Variants in RSRC1 observed in about 807,000 individuals in gnomAD.
RSRC1 encodes the protein serine/Arginine-related protein 53.
Under a neutral mutation model 49.1 loss-of-function variants are expected in RSRC1, and 39 were observed. That is an observed-to-expected ratio of 0.79 (90% CI 0.61 to 1.04). The LOEUF is 1.04. RSRC1 is among the 50% of genes least tolerant of loss of function. RSRC1 has a pLI of 0.00. For synonymous variants in RSRC1, 143 were observed against 130.8 expected (o/e 1.09, Z -0.63); for missense variants, 388 against 402.4 (o/e 0.96, Z 0.31).
Position 158,447,615 on chromosome 3 carries a change from C to G in RSRC1, c.584-13320C>G, listed in dbSNP as rs566464088. ...ATGTAATCTTAAGCAAATTATTAAG[C>G]CTCTCTGAAACTTTTTGATGATTAT... On this transcript the variant is annotated intron_variant, in intron 6 of 9. Transcript: ENST00000611884. Among the ~76,000 whole-genome samples, 12 of 151,904 alleles carry G rather than the reference C, an allele frequency of 7.9e-5. No homozygotes were observed. The South Asian group carries it at 2.5e-3, about 31-fold the overall frequency.
intron 4 of RSRC1, among the ~76,000 whole-genome samples, chr3:158,295,300 TTAG>T (rs1293154875): frequency 6.6e-6 from 1 of 152,096 alleles, no homozygotes; most frequent in Non-Finnish European, 1.5e-5. Context: ...TGAAACCAGG[TTAG>T]TAGTTTGTTG....
chr3:158,309,357 A>G (rs2108140048), intron 5 of RSRC1, among the ~76,000 whole-genome samples: 1 of 151,948 alleles, frequency 6.6e-6, no homozygotes, highest in South Asian at 2.1e-4. Flanking sequence ...TAAGTTTTAA[A>G]CATATTTTCA....
chr3:158,226,163 G>GA (rs960718283), intron 4 of RSRC1, among the ~76,000 whole-genome samples: 3 of 151,796 alleles, frequency 2.0e-5, no homozygotes, highest in Non-Finnish European at 2.9e-5. Flanking sequence ...AAGGACAGGT[G>GA]AAAAAAACTC....
intron 7 of RSRC1, among the ~76,000 whole-genome samples, chr3:158,484,607 G>A (rs1560061701): frequency 6.6e-6 from 1 of 152,028 alleles, no homozygotes; most frequent in Non-Finnish European, 1.5e-5. Context: ...ATATTTGCAT[G>A]CAGTTCTCTG....
chr3:158,401,417 A>T (rs571934899), intron 6 of RSRC1, among the ~76,000 whole-genome samples: 2 of 152,118 alleles, frequency 1.3e-5, no homozygotes, highest in Non-Finnish European at 2.9e-5. Context: ...TTCTTTGTTT[A>T]TTTATTTATT....
chr3:158,379,831 C>CACACACACACACAA, intron 6 of RSRC1, among the ~76,000 whole-genome samples: 2 of 151,650 alleles, frequency 1.3e-5, no homozygotes, highest in South Asian at 4.2e-4. Context: ...CACACACACA[C>CACACACACACACAA]ACACACCCTC....
rs566907096 is a variant in RSRC1 at position 158,327,392 on chromosome 3, C to T, written c.532-27465C>T. Among the ~76,000 whole-genome samples, 14 of 152,366 alleles carry T rather than the reference C, an allele frequency of 9.2e-5. No homozygotes were observed. The South Asian group carries it at 2.9e-3, about 32-fold the overall frequency. Reference sequence around the variant, plus strand: ...TTAGTGCTATAAATTCCCCTCTACACACTGCTTTGAATGCATCCCAGAGAT... The same window carrying T: ...TTAGTGCTATAAATTCCCCTCTACATACTGCTTTGAATGCATCCCAGAGAT... On this transcript the variant is annotated intron_variant, in intron 5 of 9. Transcript: ENST00000611884.
At chr3:158,481,581 A>G (rs1029739766) in intron 7 of RSRC1, among the ~76,000 whole-genome samples, 9 of 152,086 alleles carry the variant, frequency 5.9e-5, no homozygotes, top group Non-Finnish European at 1.3e-4. Flanking sequence ...TTTTTTAATC[A>G]TATCAGCTGA....
intron 7 of RSRC1, among the ~76,000 whole-genome samples, chr3:158,464,922 C>G (rs567736792): frequency 1.1e-4 from 17 of 152,108 alleles, no homozygotes; most frequent in Non-Finnish European, 2.1e-4. Context: ...ACATTTCCCT[C>G]TTTAAATAGC....
chr3:158,322,472 T>C (rs1326354820), intron 5 of RSRC1, among the ~76,000 whole-genome samples: 1 of 152,214 alleles, frequency 6.6e-6, no homozygotes, highest in Non-Finnish European at 1.5e-5. Context: ...ATTCAACCAT[T>C]TATCTTTTAC....
chr3:158,140,150 T>C (rs1331474649), intron 3 of RSRC1, among the ~76,000 whole-genome samples: 1 of 152,220 alleles, frequency 6.6e-6, no homozygotes, highest in Non-Finnish European at 1.5e-5. Context: ...TCACTGGTTC[T>C]GTTATTTGTG....
intron 3 of RSRC1, among the ~76,000 whole-genome samples, chr3:158,129,864 A>G (rs1341444718): frequency 6.6e-6 from 1 of 152,210 alleles, no homozygotes; most frequent in East Asian, 1.9e-4. Flanking sequence ...AATCAGTAGA[A>G]TAGGAGTATT....
intron 3 of RSRC1, 25 bp from the exon 4 acceptor site, chr3:158,203,047 A>C (rs760891789): frequency 1.4e-5 from 22 of 1,573,076 alleles, no homozygotes; most frequent in Non-Finnish European, 1.9e-5. Context: ...CACTAAGTTT[A>C]TTTAACAAAA....
At chr3:158,288,092 A>G (rs1341508205) in intron 4 of RSRC1, among the ~76,000 whole-genome samples, 2 of 152,148 alleles carry the variant, frequency 1.3e-5, no homozygotes, top group African/African-American at 2.4e-5. Flanking sequence ...AACTTACATT[A>G]TAAAAATTAT....
chr3:158,216,917 GT>G (rs1434508318), intron 4 of RSRC1, among the ~76,000 whole-genome samples: 2 of 151,640 alleles, frequency 1.3e-5, no homozygotes, highest in African/African-American at 4.8e-5. Context: ...CATAATATGT[GT>G]TAGGCAGTGC....
intron 4 of RSRC1, among the ~76,000 whole-genome samples, chr3:158,241,904 C>G (rs1419174387): frequency 6.6e-6 from 1 of 151,900 alleles, no homozygotes; most frequent in Non-Finnish European, 1.5e-5. Flanking sequence ...TAATAAAATA[C>G]ACCCATTTAA....
chr3:158,436,822 A>G (rs1316948758), intron 6 of RSRC1, among the ~76,000 whole-genome samples: 2 of 151,970 alleles, frequency 1.3e-5, no homozygotes, highest in Non-Finnish European at 2.9e-5. Flanking sequence ...ATATGAACTC[A>G]TTCAACTTTT....
At chr3:158,536,987 G>A in intron 7 of RSRC1, 105 bp from the exon 8 acceptor site, 1 of 695,802 alleles carries the variant, frequency 1.4e-6, no homozygotes, top group Non-Finnish European at 2.5e-6. Flanking sequence ...AATTTATAAT[G>A]TCTTTTTATC....
intron 4 of RSRC1, among the ~76,000 whole-genome samples, chr3:158,223,573 T>A (rs993543504): frequency 4.1e-4 from 60 of 147,022 alleles, no homozygotes; most frequent in African/African-American, 1.5e-3. Flanking sequence ...CCACCTGATC[T>A]ATAGTTTAGC....
Sources: gnomAD v4.1 joint callset for allele counts (sites outside exome capture counted in the v4.1 genomes callset) on GRCh38, gnomAD v4.1.1 for gene constraint, MANE v1.5 for transcripts, NCBI Gene and HGNC (gene_info 2026-07-23, HGNC 2026-07-21) for gene names.